Variants in DSCAML1 observed in about 807,000 individuals in gnomAD.
DSCAML1 encodes DS cell adhesion molecule like 1.
A neutral mutation model predicts 200.5 loss-of-function variants in DSCAML1; 38 were observed. The ratio of observed to expected loss-of-function variants is 0.19; its 90% CI spans 0.15 to 0.25. DSCAML1 has a LOEUF of 0.25. Ranked by LOEUF, DSCAML1 falls within the 10% of genes least tolerant of loss-of-function variation. The probability of loss-of-function intolerance (pLI) is 1.00; values close to 1 mark genes in which losing one functional copy is unlikely to be tolerated. For synonymous variants in DSCAML1, 1,215 were observed against 1,165.0 expected (o/e 1.04, Z -0.87); for missense variants, 2,223 against 2,858.8 (o/e 0.78, Z 5.07).
chr11:117,443,488 C>T (rs1333368364), intron 21 of DSCAML1, among the ~76,000 whole-genome samples: 2 of 152,388 alleles, frequency 1.3e-5, no homozygotes, highest in African/African-American at 4.8e-5. Context: ...CACGGGGGCT[C>T]TCCTTTGAGC....
chr11:117,540,875 T>C (rs1164894331), intron 3 of DSCAML1, among the ~76,000 whole-genome samples: 1 of 152,024 alleles, frequency 6.6e-6, no homozygotes, highest in African/African-American at 2.4e-5. Flanking sequence ...TGAGTGTCTT[T>C]GTCAGGTAGT....
At chr11:117,787,173 C>T (rs1034355979) in intron 1 of DSCAML1, among the ~76,000 whole-genome samples, 4 of 152,202 alleles carry the variant, frequency 2.6e-5, no homozygotes, top group Non-Finnish European at 4.4e-5. Context: ...GACTGCCTCA[C>T]CTTTCTGTGC....
chr11:117,483,781 T>C (rs1260390020), intron 11 of DSCAML1, among the ~76,000 whole-genome samples: 1 of 152,146 alleles, frequency 6.6e-6, no homozygotes, highest in Non-Finnish European at 1.5e-5. Context: ...TTTTCTTCTC[T>C]GGGAAAATTT....
At position 117,568,020 on chromosome 11, in the gene DSCAML1, C is replaced by T. The variant is rs1195046521; in HGVS notation, c.512-35498G>A. Among the ~76,000 whole-genome samples, 22 of 151,936 alleles carry T rather than the reference C, an allele frequency of 1.4e-4. No individual in the cohort carries two copies. The East Asian group carries it at 4.2e-3, about 29-fold the overall frequency. On this transcript the variant is annotated intron_variant, in intron 3 of 32. Transcript: ENST00000651296. ...TCCAGCAGCACATCAAAAAGCTTAT[C>T]CACCATGATCAAGTGGGCTTCATCC...
At chr11:117,485,328 C>A (rs1290314171) in intron 11 of DSCAML1, among the ~76,000 whole-genome samples, 2 of 152,192 alleles carry the variant, frequency 1.3e-5, no homozygotes, top group Non-Finnish European at 2.9e-5. Flanking sequence ...TGGTAACAAC[C>A]ATACCTGGAG....
intron 19 of DSCAML1, among the ~76,000 whole-genome samples, chr11:117,450,890 G>A (rs7350507): frequency 0.93 from 142,146 of 152,206 alleles, 66,509 homozygotes; most frequent in Middle Eastern, 0.97. Context: ...GAATTGTAAC[G>A]AAGTCTCTGA....
At chr11:117,593,008 A>T (rs2051287864) in intron 3 of DSCAML1, among the ~76,000 whole-genome samples, 1 of 152,270 alleles carries the variant, frequency 6.6e-6, no homozygotes. Context: ...CTTACCCCAG[A>T]GGGTGGCTGT....
Position 117,505,826 on chromosome 11 carries a change from G to A in DSCAML1, c.1784-94C>T, listed in dbSNP as rs2049485642. 1 of 1,457,876 alleles carries A rather than the reference G, an allele frequency of 6.9e-7. No homozygotes were observed. Among genetic ancestry groups the A allele is most frequent in the African/African-American group, 1.4e-5 (1 of 71,268 alleles). The allele number at this position is 1,457,876 out of a possible 1,614,324, so 90.3% of individuals were successfully genotyped here. On this transcript the variant is annotated intron_variant, in intron 8 of 32. Coordinates refer to ENST00000651296, the MANE Select transcript of DSCAML1 (RefSeq NM_020693.4). The surrounding 1 kb of genome is among the most constrained non-coding windows in gnomAD (Gnocchi z 6.7). Reference sequence around the variant, plus strand: ...CCTGCCTTACCTGGGGCTCTGGGTTGGGCCTTGAACAAAGATCCCCTGGGG... The same window carrying A: ...CCTGCCTTACCTGGGGCTCTGGGTTAGGCCTTGAACAAAGATCCCCTGGGG...
intron 3 of DSCAML1, among the ~76,000 whole-genome samples, chr11:117,774,953 A>T (rs180673060): frequency 9.8e-5 from 15 of 152,330 alleles, no homozygotes; most frequent in Non-Finnish European, 1.9e-4. Flanking sequence ...TACCTGGGAT[A>T]TAGTAAGCAC....
intron 3 of DSCAML1, among the ~76,000 whole-genome samples, chr11:117,712,118 AT>A (rs759050224): frequency 1.4e-3 from 220 of 152,150 alleles, no homozygotes; most frequent in African/African-American, 4.9e-3. Context: ...CATTTATTTT[AT>A]TTTTTTTAAA....
intron 3 of DSCAML1, among the ~76,000 whole-genome samples, chr11:117,687,426 A>ATTTTTTTTTTTT (rs71037492): frequency 1.8e-4 from 18 of 97,648 alleles, no homozygotes; most frequent in East Asian, 8.8e-4. Context: ...ATGCCTGGCT[A>ATTTTTTTTTTTT]TTTTTTTTTT....
At chr11:117,464,798 G>T in intron 17 of DSCAML1, 144 bp downstream of exon 17, 1 of 1,263,248 alleles carries the variant, frequency 7.9e-7, no homozygotes, top group Non-Finnish European at 1.1e-6. Flanking sequence ...AAGAGGAGAT[G>T]GCGGGGATGC....
chr11:117,473,697 G>GGC (rs1259400714), intron 14 of DSCAML1, among the ~76,000 whole-genome samples: 1 of 152,146 alleles, frequency 6.6e-6, no homozygotes, highest in Non-Finnish European at 1.5e-5. Flanking sequence ...CTGTAGTTTT[G>GGC]CATTTAATTC....
rs2048601048 is a variant in DSCAML1, at chr11:117,467,209, C to CT, written c.3025-2028_3025-2027insA. Among the ~76,000 whole-genome samples, 5 of 141,702 alleles carry CT rather than the reference C, an allele frequency of 3.5e-5. No individual in the cohort carries two copies. In the South Asian group the frequency reaches 9.6e-4, roughly 27 times the overall value. The allele number at this position is 141,702 out of a possible 152,430, so 93.0% of individuals were successfully genotyped here. ...TGCACACACACCTCCCCCCTCCCCC[C>CT]GCCGCCAATATATCCATTCACACCC... On this transcript the variant is annotated intron_variant, in intron 16 of 32. Coordinates refer to ENST00000651296, the MANE Select transcript of DSCAML1 (RefSeq NM_020693.4).
rs747841159 is a variant in DSCAML1 at position 117,609,035 on chromosome 11, C to CAAACAAAA, written c.512-76514_512-76513insTTTTGTTT. Among the ~76,000 whole-genome samples the CAAACAAAA allele has an allele frequency of 5.6e-3, 624 of 110,928 alleles. 2 individuals carry two copies. The highest frequency in any genetic ancestry group is 0.019 in the African/African-American group (516 of 27,494). 72.8% of individuals were successfully genotyped at this position (110,928 alleles called of 152,430 possible). On this transcript the variant is annotated intron_variant, in intron 3 of 32. Transcript: ENST00000651296. ...ACAAACAAACAAACAAACAAACAAA[C>CAAACAAAA]AAAAAAAACAAAAATTGTCTGGGCA...
chr11:117,785,514 G>A (rs1052176444), intron 1 of DSCAML1, among the ~76,000 whole-genome samples: 1 of 152,124 alleles, frequency 6.6e-6, no homozygotes, highest in Non-Finnish European at 1.5e-5. Flanking sequence ...GAAACCAGCT[G>A]GATTGAGGAG....
At chr11:117,755,243 A>C (rs1464294792) in intron 3 of DSCAML1, among the ~76,000 whole-genome samples, 1 of 152,112 alleles carries the variant, frequency 6.6e-6, no homozygotes, top group Non-Finnish European at 1.5e-5. Flanking sequence ...CACTCAAAAG[A>C]CCAGGGACAG....
At chr11:117,442,322 T>TTAGTGTGTA (rs1335588369) in intron 21 of DSCAML1, among the ~76,000 whole-genome samples, 2 of 141,422 alleles carry the variant, frequency 1.4e-5, no homozygotes, top group Non-Finnish European at 1.5e-5. Flanking sequence ...TATGCATGTA[T>TTAGTGTGTA]TAGTGTGTAT....
intron 3 of DSCAML1, among the ~76,000 whole-genome samples, chr11:117,635,447 GGTGTGT>G (rs201976004): frequency 0.013 from 1,940 of 146,736 alleles, 37 homozygotes; most frequent in East Asian, 0.086. Flanking sequence ...TAGTGTGTGT[GGTGTGT>G]GTGTGTGTGT....
Sources: gnomAD v4.1 joint callset for allele counts (sites outside exome capture counted in the v4.1 genomes callset) on GRCh38, gnomAD v4.1.1 for gene constraint, Gnocchi (gnomAD v3.1) non-coding constraint, MANE v1.5 for transcripts, NCBI Gene and HGNC (gene_info 2026-07-23, HGNC 2026-07-21) for gene names.